Variants in ENOX1 observed in about 807,000 individuals in gnomAD.
ENOX1 encodes the protein ecto-NOX disulfide-thiol exchanger 1.
ENOX1 carries 42 observed loss-of-function variants against 82.5 expected under a neutral mutation model. The observed-to-expected ratio is 0.51, with a 90% CI of 0.40 to 0.66. ENOX1 has a LOEUF of 0.66. Among genes scored for constraint, ENOX1 ranks in the 30% least tolerant of loss-of-function variants. The pLI, the probability that ENOX1 is intolerant of heterozygous loss-of-function variation, is 0.00. For synonymous variants in ENOX1, 271 were observed against 282.2 expected (o/e 0.96, Z 0.40); for missense variants, 608 against 811.6 (o/e 0.75, Z 3.05).
At chr13:43,489,722 A>G (rs989379492) in intron 2 of ENOX1, among the ~76,000 whole-genome samples, 4 of 152,160 alleles carry the variant, frequency 2.6e-5, no homozygotes, top group Non-Finnish European at 5.9e-5. Context: ...GGCTATGCTC[A>G]ACAATATTGT....
intron 9 of ENOX1, among the ~76,000 whole-genome samples, chr13:43,343,034 T>C (rs1423284194): frequency 6.6e-6 from 1 of 152,216 alleles, no homozygotes; most frequent in Non-Finnish European, 1.5e-5. Context: ...ATTAGGACTA[T>C]AAACTGCATG....
chr13:43,439,041 CTTT>C (rs61212622), intron 3 of ENOX1, among the ~76,000 whole-genome samples: 5 of 120,130 alleles, frequency 4.2e-5, no homozygotes, highest in Non-Finnish European at 6.8e-5. Flanking sequence ...GTCTTTTAAT[CTTT>C]TTTTTTTTTT....
intron 2 of ENOX1, among the ~76,000 whole-genome samples, chr13:43,631,640 G>A (rs879717918): frequency 3.3e-5 from 5 of 152,136 alleles, no homozygotes; most frequent in South Asian, 2.1e-4. Flanking sequence ...TCCATACCAC[G>A]AGGAAACAGT....
chr13:43,268,031 C>T (rs3783046), intron 13 of ENOX1, among the ~76,000 whole-genome samples: 25,746 of 151,970 alleles, frequency 0.17, 2,826 homozygotes, highest in East Asian at 0.59. Context: ...ATGCATGCCA[C>T]AACAAGATAT....
chr13:43,371,726 G>T (rs1338301678), intron 5 of ENOX1, among the ~76,000 whole-genome samples: 2 of 152,192 alleles, frequency 1.3e-5, no homozygotes, highest in African/African-American at 4.8e-5. Context: ...AACAATTTAT[G>T]TAGGTTTCAA....
intron 8 of ENOX1, among the ~76,000 whole-genome samples, chr13:43,353,052 G>A (rs1037161966): frequency 2.0e-4 from 30 of 152,198 alleles, no homozygotes; most frequent in African/African-American, 7.2e-4. Flanking sequence ...GACAGCGCCA[G>A]TCATATGGTA....
Position 43,702,908 on chromosome 13 carries a change from G to A in ENOX1, c.-284-35364C>T, listed in dbSNP as rs1291644183. Among the ~76,000 whole-genome samples, 4 of 120,712 alleles carry A rather than the reference G, an allele frequency of 3.3e-5. No homozygotes were observed. The East Asian group carries it at 1.1e-3, about 34-fold the overall frequency. 79.2% of individuals were successfully genotyped at this position (120,712 alleles called of 152,430 possible). On this transcript the variant is annotated intron_variant, in intron 1 of 16. Coordinates refer to ENST00000690772, the MANE Select transcript of ENOX1 (RefSeq NM_001347969.2). ...GCAGAGGCTGCAGTGAGCTGAGTTT[G>A]CACCATTGCACTCCAGCCTGGGCAA... is the stretch of plus-strand genomic sequence containing the variant.
At chr13:43,772,749 T>TAAAAAAAA (rs35359203) in intron 1 of ENOX1, among the ~76,000 whole-genome samples, 3 of 112,098 alleles carry the variant, frequency 2.7e-5, no homozygotes, top group African/African-American at 7.7e-5. Flanking sequence ...ACTCTGTCTT[T>TAAAAAAAA]AAAAAAAAAA....
intron 2 of ENOX1, among the ~76,000 whole-genome samples, chr13:43,659,148 A>G (rs1035502115): frequency 1.3e-5 from 2 of 152,116 alleles, no homozygotes; most frequent in African/African-American, 4.8e-5. Flanking sequence ...CATGGTTATA[A>G]TATCATGCCT....
rs550213452 is a variant in ENOX1 at position 43,393,353 on chromosome 13, T to C, written c.208+18563A>G. ...TCAAATTGGAAAGAAAGTGGGCAAA[T>C]GGTTTGTAGTGTTCTAATAAAATAG... On this transcript the variant is annotated intron_variant, in intron 5 of 16. Coordinates refer to ENST00000690772, the MANE Select transcript of ENOX1 (RefSeq NM_001347969.2). Among the ~76,000 whole-genome samples, 4 of 152,292 alleles carry C rather than the reference T, an allele frequency of 2.6e-5. No homozygotes were observed. The South Asian group carries it at 8.3e-4, about 32-fold the overall frequency.
intron 8 of ENOX1, among the ~76,000 whole-genome samples, chr13:43,346,600 C>T (rs2049395419): frequency 6.6e-6 from 1 of 152,220 alleles, no homozygotes; most frequent in South Asian, 2.1e-4. Flanking sequence ...GTTCAACCCT[C>T]AGTGAACTCC....
intron 2 of ENOX1, among the ~76,000 whole-genome samples, chr13:43,616,204 A>ATATATATATATATATATATATTTTTTT (rs1457149422): frequency 6.5e-5 from 1 of 15,318 alleles, no homozygotes; most frequent in Non-Finnish European, 2.1e-4. Context: ...ATATATATAT[A>ATATATATATATATATATATATTTTTTT]TTTTTTTTTT....
At chr13:43,582,155 AAT>A (rs1319497302) in intron 2 of ENOX1, among the ~76,000 whole-genome samples, 2 of 152,156 alleles carry the variant, frequency 1.3e-5, no homozygotes, top group African/African-American at 4.8e-5. Flanking sequence ...AACTAGAAAA[AAT>A]ATGTCTTATC....
chr13:43,540,408 C>G (rs2078654577), intron 2 of ENOX1, among the ~76,000 whole-genome samples: 1 of 152,034 alleles, frequency 6.6e-6, no homozygotes, highest in African/African-American at 2.4e-5. Context: ...ATCTCTGATG[C>G]AGGCTCTCGA....
At chr13:43,449,581 A>G (rs1275512253) in intron 3 of ENOX1, among the ~76,000 whole-genome samples, 1 of 152,234 alleles carries the variant, frequency 6.6e-6, no homozygotes, top group East Asian at 1.9e-4. Context: ...AAATTGTAGT[A>G]AAGTAACTTT....
In ENOX1 at chr13:43,643,621, G is replaced by A. The variant is rs1398334998; in HGVS notation, c.-219+23858C>T. On this transcript the variant is annotated intron_variant, in intron 2 of 16. Transcript: ENST00000690772. Reference sequence around the variant, plus strand: ...TGTATGTATGTGCATGTATATGTATGTATGTGTGTGTGTATATATATATAT... The same window carrying A: ...TGTATGTATGTGCATGTATATGTATATATGTGTGTGTGTATATATATATAT... Among the ~76,000 whole-genome samples, 35 of 148,220 alleles carry A rather than the reference G, an allele frequency of 2.4e-4. No individual in the cohort carries two copies. The East Asian group carries it at 7.1e-3, about 30-fold the overall frequency.
intron 10 of ENOX1, among the ~76,000 whole-genome samples, chr13:43,325,037 A>T (rs1385034359): frequency 1.3e-5 from 2 of 152,246 alleles, no homozygotes. Flanking sequence ...AATCTGAATC[A>T]TAGTTTATGG....
At chr13:43,406,975 T>A (rs1405673954) in intron 5 of ENOX1, among the ~76,000 whole-genome samples, 3 of 152,116 alleles carry the variant, frequency 2.0e-5, no homozygotes, top group Admixed American at 2.0e-4. Flanking sequence ...CCAGAGAATA[T>A]CCAGAAAGCA....
chr13:43,338,846 C>T (rs373977098), intron 9 of ENOX1, among the ~76,000 whole-genome samples: 14 of 151,878 alleles, frequency 9.2e-5, no homozygotes, highest in South Asian at 2.1e-4. Context: ...CCACTGCCCC[C>T]GGCTAATTTT....
Sources: allele counts gnomAD v4.1 joint callset (sites outside exome capture counted in the v4.1 genomes callset), GRCh38; gene constraint gnomAD v4.1.1; transcripts MANE v1.5; gene names NCBI Gene and HGNC (gene_info 2026-07-23, HGNC 2026-07-21).